The following PDZD8 variants were observed in gnomAD, a reference collection of about 807,000 sequenced individuals.
PDZD8 encodes PDZ domain containing 8.
A neutral mutation model predicts 85.8 loss-of-function variants in PDZD8; 14 were observed. That is an observed-to-expected ratio of 0.16 (90% CI 0.11 to 0.26). The LOEUF (loss-of-function observed/expected upper bound fraction) is 0.26, where lower values mean the gene tolerates loss of function less well. Ranked by LOEUF, PDZD8 falls within the 10% of genes least tolerant of loss-of-function variation. PDZD8 has a pLI of 1.00. For synonymous variants in PDZD8, 592 were observed against 568.6 expected, an observed-to-expected ratio of 1.04 and a Z score of -0.59; for missense variants, 1,197 against 1,424.3, an observed-to-expected ratio of 0.84 and a Z score of 2.57.
In PDZD8 at chr10:117,284,212, GT is replaced by G; in HGVS notation, c.2520del (p.Lys840AsnfsTer46). 1 of 1,614,152 alleles carries G rather than the reference GT, an allele frequency of 6.2e-7. No homozygotes were observed. The highest frequency in any genetic ancestry group is 8.5e-7 in the Non-Finnish European group (1 of 1,180,006). On this transcript the variant is annotated frameshift_variant, in exon 5 of 5. Transcript: ENST00000334464. LOFTEE classifies it high-confidence loss of function. ...TGGAACTGAGTATCCTGAAAACTGT[GT>G]TTGTTTTCTGTTAAACCCATCTGTC... ...FVGQMGLTEN[K>X]HSFQDTQFQN...
chr10:117,318,922 C>G lies in PDZD8; in HGVS notation c.1048G>C (p.Glu350Gln). 1 of 1,612,346 alleles carries G rather than the reference C, an allele frequency of 6.2e-7. No individual in the cohort carries two copies. The highest frequency in any genetic ancestry group is 8.5e-7 in the Non-Finnish European group (1 of 1,178,908). ...DREANVHCTL[E>Q]LSSSVWEEKQ... ...TCTTCCCAAACACTACTGCTTAACT[C>G]AAGTGTGCAATGAACATTTGCCTCT... The change falls in exon 3 of 5, where the codon GAG becomes CAG. Residue 350 changes from glutamate to glutamine, a missense_variant. Coordinates refer to ENST00000334464, the MANE Select transcript of PDZD8 (RefSeq NM_173791.5).
Position 117,330,928 on chromosome 10 carries a change from A to G in PDZD8, c.995+10052T>C, listed in dbSNP as rs151282396. 3.9e-5 allele frequency among the ~76,000 whole-genome samples: 6 copies of G among 152,306 alleles called. No homozygotes were observed. The East Asian group carries it at 1.2e-3, about 29-fold the overall frequency. Reference sequence around the variant, plus strand: ...CTCTTTTTCCAATTACCTAAAATCTACAATCCATCTAGTTTCCTGAATCTT... The same window carrying G: ...CTCTTTTTCCAATTACCTAAAATCTGCAATCCATCTAGTTTCCTGAATCTT... On this transcript the variant is annotated intron_variant, in intron 2 of 4. Transcript: ENST00000334464.
rs1554854835 is a variant in PDZD8, at chr10:117,333,126, A to ACAAAAC, written c.995+7853_995+7854insGTTTTG. Among the ~76,000 whole-genome samples, 332 of 140,770 alleles carry ACAAAAC rather than the reference A, an allele frequency of 2.4e-3. 9 individuals carry two copies. Among genetic ancestry groups the ACAAAAC allele is most frequent in the African/African-American group, 8.5e-3 (310 of 36,486 alleles). 92.4% of individuals were successfully genotyped at this position (140,770 alleles called of 152,430 possible). On this transcript the variant is annotated intron_variant, in intron 2 of 4. Coordinates refer to ENST00000334464, the MANE Select transcript of PDZD8 (RefSeq NM_173791.5). Reference sequence around the variant, plus strand: ...AGAGTGGACTCTGTCTCAAAAAAAAAAAAAAAAAAAAAAAAAAGGGGATAT... The same window carrying ACAAAAC: ...AGAGTGGACTCTGTCTCAAAAAAAAACAAAACAAAAAAAAAAAAAAAAAGGGGATAT...
chr10:117,284,258 A>C lies in PDZD8; in HGVS notation c.2475T>G (p.Pro825=), dbSNP rs1285620195. ...TCTGTCCAACAAATTGCTCCTCTTT[A>C]GGGAGAACAGAAACTTCTTCAACCA... The part of the protein sequence containing the change: ...PHLVEEVSVL[P]KEEQFVGQMG... Residue 825 remains proline (P), a synonymous_variant, in exon 5 of 5, where the codon CCT becomes CCG. Coordinates refer to ENST00000334464, the MANE Select transcript of PDZD8 (RefSeq NM_173791.5). 1 of 1,614,146 alleles carries C rather than the reference A, an allele frequency of 6.2e-7. No homozygotes were observed. The highest frequency in any genetic ancestry group is 1.7e-5 in the Admixed American group (1 of 60,022).
intron 3 of PDZD8, among the ~76,000 whole-genome samples, chr10:117,302,707 G>A (rs114478447): frequency 0.032 from 4,903 of 152,234 alleles, 87 homozygotes; most frequent in South Asian, 0.039. Flanking sequence ...CATATGTTGT[G>A]GGAGGGACCC....
At position 117,286,437 on chromosome 10, in the gene PDZD8, G is replaced by C. The variant is rs374956912; in HGVS notation, c.1262-966C>G. Among the ~76,000 whole-genome samples the C allele has an allele frequency of 5.3e-5, 8 of 152,060 alleles. No homozygotes were observed. The East Asian group carries it at 9.6e-4, about 18-fold the overall frequency. On this transcript the variant is annotated intron_variant, in intron 4 of 4. Coordinates refer to ENST00000334464, the MANE Select transcript of PDZD8 (RefSeq NM_173791.5). ...GCTCTTTGTTTTCCAAAGATCTTAG[G>C]GCCATCCTAAATAAATCTAAGTAAC... is the stretch of plus-strand genomic sequence containing the variant.
At chr10:117,316,034 T>C in intron 3 of PDZD8, among the ~76,000 whole-genome samples, 1 of 152,188 alleles carries the variant, frequency 6.6e-6, no homozygotes, top group Non-Finnish European at 1.5e-5. Context: ...GGTAAAGTAA[T>C]TTTTAGTATT....
At chr10:117,308,191 C>T (rs2133792529) in intron 3 of PDZD8, among the ~76,000 whole-genome samples, 1 of 152,186 alleles carries the variant, frequency 6.6e-6, no homozygotes, top group East Asian at 1.9e-4. Context: ...TACTGATCTC[C>T]ATCCTCCTTA....
chr10:117,283,484 C>A lies in PDZD8; in HGVS notation c.3249G>T (p.Arg1083Ser). The change falls in exon 5 of 5, where the codon AGG becomes AGT. Residue 1083 changes from arginine to serine, a missense_variant. Physicochemically the swap from Arg to Ser is moderately radical, Grantham distance 110. Transcript: ENST00000334464. ...TCATAAGAAGTGTTAGAGCTTGTAG[C>A]CTTTCACCTGATTTAGCTAAGGCAG... ...LSAALAKSGE[R>S]LQALTLLMIH... The A allele has an allele frequency of 6.2e-7, 1 of 1,614,152 alleles. No individual in the cohort carries two copies. The highest frequency in any genetic ancestry group is 1.3e-5 in the African/African-American group (1 of 75,050).
At chr10:117,367,392 G>T (rs573590086) in intron 1 of PDZD8, among the ~76,000 whole-genome samples, 1 of 150,530 alleles carries the variant, frequency 6.6e-6, no homozygotes, top group South Asian at 2.1e-4. Context: ...GCCTGGGCAA[G>T]AGTGAGACTC....
intron 1 of PDZD8, among the ~76,000 whole-genome samples, chr10:117,373,563 G>C (rs1845230425): frequency 7.3e-6 from 1 of 136,878 alleles, no homozygotes; most frequent in South Asian, 2.3e-4. Flanking sequence ...TTCGAAACCA[G>C]CCTGGCCAAT....
At chr10:117,339,456 A>G (rs1401579834) in intron 2 of PDZD8, among the ~76,000 whole-genome samples, 1 of 152,202 alleles carries the variant, frequency 6.6e-6, no homozygotes, top group South Asian at 2.1e-4. Context: ...AGTCAACACA[A>G]TGGGCTTGGT....
At chr10:117,314,255 CAAT>C (rs1435061419) in intron 3 of PDZD8, 4 of 152,114 alleles carry the variant, frequency 2.6e-5, no homozygotes, top group Non-Finnish European at 5.9e-5. Context: ...AGGCTGGTAT[CAAT>C]GATTTACCTT....
intron 2 of PDZD8, among the ~76,000 whole-genome samples, chr10:117,323,199 G>C (rs1008448): frequency 0.49 from 75,142 of 152,024 alleles, 19,577 homozygotes; most frequent in South Asian, 0.58. Flanking sequence ...AATTGGTAGA[G>C]AGAATGGGAT....
intron 2 of PDZD8, among the ~76,000 whole-genome samples, chr10:117,333,487 C>T (rs1348337582): frequency 6.6e-6 from 1 of 152,102 alleles, no homozygotes; most frequent in Non-Finnish European, 1.5e-5. Flanking sequence ...ATACCAACTA[C>T]TCAGGAAAAA....
chr10:117,356,934 T>C (rs376943152), intron 1 of PDZD8, among the ~76,000 whole-genome samples: 4 of 152,214 alleles, frequency 2.6e-5, no homozygotes, highest in African/African-American at 9.6e-5. Context: ...TTTTAAAATA[T>C]AGCATGTTAT....
intron 3 of PDZD8, among the ~76,000 whole-genome samples, chr10:117,303,599 T>C (rs1031684624): frequency 2.0e-5 from 3 of 152,188 alleles, no homozygotes; most frequent in Non-Finnish European, 4.4e-5. Context: ...CCAGGCCATA[T>C]AGAGACCTTC....
At chr10:117,342,190 G>A (rs1844624865) in intron 1 of PDZD8, among the ~76,000 whole-genome samples, 1 of 152,082 alleles carries the variant, frequency 6.6e-6, no homozygotes, top group Non-Finnish European at 1.5e-5. Flanking sequence ...AGAAGTTTGT[G>A]CTGAGTTATA....
intron 3 of PDZD8, among the ~76,000 whole-genome samples, chr10:117,296,878 C>G (rs1843767612): frequency 6.6e-6 from 1 of 151,654 alleles, no homozygotes; most frequent in African/African-American, 2.4e-5. Flanking sequence ...CTGAGTTGGG[C>G]AAAGATTTCT....
Sources: allele counts gnomAD v4.1 joint callset (sites outside exome capture counted in the v4.1 genomes callset), GRCh38; gene constraint gnomAD v4.1.1; transcripts MANE v1.5; gene names NCBI Gene and HGNC (gene_info 2026-07-23, HGNC 2026-07-21).